ZBTB48: variants seen among roughly 807,000 people sequenced by gnomAD.
ZBTB48 encodes the protein zinc finger and BTB domain containing 48, also known as zinc finger and BTB domain-containing protein 48.
Under a neutral mutation model 64.5 loss-of-function variants are expected in ZBTB48, and 35 were observed. The observed-to-expected ratio is 0.54, with a 90% confidence interval of 0.41 to 0.72. ZBTB48 has a LOEUF of 0.72. Ranked by LOEUF, ZBTB48 falls within the 30% of genes least tolerant of loss-of-function variation. The probability of loss-of-function intolerance (pLI) is 0.00; values close to 1 mark genes in which losing one functional copy is unlikely to be tolerated. For synonymous variants in ZBTB48, 442 were observed against 356.7 expected, an observed-to-expected ratio of 1.24 and a Z score of -2.70; for missense variants, 828 against 895.3, an observed-to-expected ratio of 0.92 and a Z score of 0.96.
chr1:6,580,495 T>G lies in ZBTB48; in HGVS notation c.-69-46T>G. ...CAAGCCCTCGTGCTGATAAATATGA[T>G]TATTTGAGTAGAGGCCAACTTCCCG... is the stretch of plus-strand genomic sequence containing the variant. On this transcript the variant is annotated intron_variant, in intron 1 of 10. Transcript: ENST00000377674. This position sits in a 1 kb window ranked among gnomAD's most constrained non-coding sequence, Gnocchi z 5.2. 5 of 1,086,686 alleles carry G rather than the reference T, an allele frequency of 4.6e-6. No homozygotes were observed. Among genetic ancestry groups the G allele is most frequent in the South Asian group, 1.6e-5 (1 of 62,942 alleles). 67.3% of individuals were successfully genotyped at this position (1,086,686 alleles called of 1,614,324 possible). A position where few individuals can be genotyped will look rare whatever the true frequency, so the allele number is the denominator to read the frequency against.
Position 6,580,925 on chromosome 1 carries a change from G to C in ZBTB48, c.316G>C (p.Glu106Gln), listed in dbSNP as rs1640424303. The change falls in exon 2 of 11, where the codon GAG (glutamate) becomes CAG (glutamine). Residue 106 changes from glutamate to glutamine, a missense_variant. By Grantham distance (29) the Glu-to-Gln change is conservative. Coordinates refer to ENST00000377674, the MANE Select transcript of ZBTB48 (RefSeq NM_005341.4). This position sits in a 1 kb window ranked among gnomAD's most constrained non-coding sequence, Gnocchi z 5.2. Reference sequence around the variant, plus strand: ...GGCAGCCAGGGAGTTGCGAGTGCCAGAGGCCGTAGAGCTGTGCCAGAGCTT... The same window carrying C: ...GGCAGCCAGGGAGTTGCGAGTGCCACAGGCCGTAGAGCTGTGCCAGAGCTT... Reference protein sequence around the residue: ...LLAARELRVPEAVELCQSFKP... With the variant: ...LLAARELRVPQAVELCQSFKP... 1.2e-6 allele frequency: 2 copies of C among 1,614,058 alleles called. No individual in the cohort carries two copies. The highest frequency in any genetic ancestry group is 1.7e-6 in the Non-Finnish European group (2 of 1,180,036).
Position 6,589,143 on chromosome 1 carries a change from C to T in ZBTB48, c.1998C>T (p.Phe666=), listed in dbSNP as rs1328458036. ...AGAGACTGTGTGCAGAGGAGAGCTTCACCGGCCCAGGTGTCCTGGAGCCCT... is the reference window on the plus strand; with the variant it reads ...AGAGACTGTGTGCAGAGGAGAGCTTTACCGGCCCAGGTGTCCTGGAGCCCT... ...PGQRLCAEES[F]TGPGVLEPSL... Residue 666 remains phenylalanine (F), a synonymous_variant, in exon 11 of 11, where the codon TTC becomes TTT. Coordinates refer to ENST00000377674, the MANE Select transcript of ZBTB48 (RefSeq NM_005341.4). The T allele has an allele frequency of 6.3e-7, 1 of 1,586,910 alleles. No individual in the cohort carries two copies. Among genetic ancestry groups the T allele is most frequent in the Non-Finnish European group, 8.6e-7 (1 of 1,169,264 alleles).
At chr1:6,586,464 C>T (rs1245233689) in intron 4 of ZBTB48, 7 of 865,564 alleles carry the variant, frequency 8.1e-6, no homozygotes, top group Middle Eastern at 3.7e-4. Flanking sequence ...TGAGGCCACT[C>T]GGACCCTGCC....
rs1640591960 is a variant in ZBTB48, at chr1:6,584,545, A to T, written c.933-1374A>T. 6.6e-6 allele frequency among the ~76,000 whole-genome samples: 1 copy of T among 152,110 alleles called. No individual in the cohort carries two copies. Among genetic ancestry groups the T allele is most frequent in the African/African-American group, 2.4e-5 (1 of 41,414 alleles). On this transcript the variant is annotated intron_variant, in intron 3 of 10. Coordinates refer to ENST00000377674, the MANE Select transcript of ZBTB48 (RefSeq NM_005341.4). This position sits in a 1 kb window ranked among gnomAD's most constrained non-coding sequence, Gnocchi z 4.5. The stretch of plus-strand genomic sequence containing the variant: ...CACCTAGAATGGGAGCCAGGGGGAA[A>T]CCCGTTCGCTGTCCCTGTGCACCGT...
At chr1:6,587,064 A>G (rs1166607908) in intron 5 of ZBTB48, 141 bp from the exon 6 acceptor site, 2 of 991,288 alleles carry the variant, frequency 2.0e-6, no homozygotes, top group Non-Finnish European at 3.1e-6. Context: ...CCTTTGCACC[A>G]TCCTTCACAC....
intron 4 of ZBTB48, chr1:6,586,431 C>T (rs1265206419): frequency 1.6e-6 from 1 of 607,666 alleles, no homozygotes; most frequent in African/African-American, 1.8e-5. Context: ...CTGTCAGCAG[C>T]CACTAGGGCC....
rs1640634380 is a variant in ZBTB48 at position 6,585,713 on chromosome 1, A to G, written c.933-206A>G. 1.0e-5 allele frequency: 6 copies of G among 585,534 alleles called. No homozygotes were observed. In the East Asian group the frequency reaches 1.7e-4, roughly 17 times the overall value. The allele number at this position is 585,534 out of a possible 1,614,324, so 36.3% of individuals were successfully genotyped here. ...CTGGCCAGATCCATGGCAGCCTCTT[A>G]GGACCTGTGTGAGCTTCTTGCCACT... On this transcript the variant is annotated intron_variant, in intron 3 of 10. Coordinates refer to ENST00000377674, the MANE Select transcript of ZBTB48 (RefSeq NM_005341.4).
In ZBTB48 at chr1:6,582,234, G is replaced by A. The variant is rs1410789665; in HGVS notation, c.867G>A (p.Val289=). Residue 289 remains valine, a synonymous_variant, in exon 3 of 11, where the codon GTG becomes GTA. Coordinates refer to ENST00000377674, the MANE Select transcript of ZBTB48 (RefSeq NM_005341.4). ...EPAENRKGTA[V]PVECPTCHKK... ...CTGAGAACAGAAAAGGTACAGCGGT[G>A]CCGGTCGAATGCCCCACATGTCATA... The A allele has an allele frequency of 3.1e-6, 5 of 1,614,154 alleles. No homozygotes were observed. The highest frequency in any genetic ancestry group is 3.4e-6 in the Non-Finnish European group (4 of 1,180,012).
rs746363856 is a variant in ZBTB48, at chr1:6,582,183, C to T, written c.816C>T (p.Ser272=). Residue 272 remains serine (S), a synonymous_variant, in exon 3 of 11, where the codon AGC becomes AGT. Coordinates refer to ENST00000377674, the MANE Select transcript of ZBTB48 (RefSeq NM_005341.4). The part of the protein sequence containing the change: ...RKPCAAEPAL[S]AGSLAAEPAE... ...CCTGTGCAGCTGAGCCAGCCCTGAGCGCGGGCTCCCTAGCAGCTGAGCCTG... is the reference window on the plus strand; with the variant it reads ...CCTGTGCAGCTGAGCCAGCCCTGAGTGCGGGCTCCCTAGCAGCTGAGCCTG... The T allele has an allele frequency of 8.7e-6, 14 of 1,614,212 alleles. No homozygotes were observed. In the East Asian group the frequency reaches 8.9e-5, roughly 10 times the overall value.
rs1261523422 is a variant in ZBTB48 at position 6,588,161 on chromosome 1, A to G, written c.1481A>G (p.Gln494Arg). Residue 494 changes from glutamine (Q) to arginine (R), a missense_variant, in exon 8 of 11, where the codon CAG (glutamine) becomes CGG (arginine). Physicochemically the swap from Gln to Arg is conservative, Grantham distance 43. Transcript: ENST00000377674. ...ACACACACGGGTGAGAAGCCCTTCC[A>G]GTGCCACCTCTGTGGCAAGACCTTC... Reference protein sequence around the residue: ...LRTHTGEKPFQCHLCGKTFRT... With the variant: ...LRTHTGEKPFRCHLCGKTFRT... The G allele has an allele frequency of 6.2e-7, 1 of 1,614,162 alleles. No individual in the cohort carries two copies. Among genetic ancestry groups the G allele is most frequent in the Non-Finnish European group, 8.5e-7 (1 of 1,180,026 alleles).
Position 6,588,005 on chromosome 1 carries a change from C to G in ZBTB48, c.1380-55C>G, listed in dbSNP as rs1023036292. The G allele has an allele frequency of 1.9e-6, 3 of 1,606,206 alleles. No homozygotes were observed. The African/African-American group carries it at 4.0e-5, about 21-fold the overall frequency. On this transcript the variant is annotated intron_variant, in intron 7 of 10. Coordinates refer to ENST00000377674, the MANE Select transcript of ZBTB48 (RefSeq NM_005341.4). ...AGGCATGCTCCTAGCTGTAGCAGAG[C>G]AAGGGGGTCACTTCCCTTGGTGATG... is the stretch of plus-strand genomic sequence containing the variant.
chr1:6,587,958 C>G (rs993759186), intron 7 of ZBTB48, 102 bp from the exon 8 acceptor site: 1 of 1,504,054 alleles, frequency 6.6e-7, no homozygotes, highest in Non-Finnish European at 9.0e-7. Flanking sequence ...TTTCCTAGCA[C>G]TGCCCAAGCC....
rs189625620 is a variant in ZBTB48 at position 6,587,133 on chromosome 1, T to C, written c.1138-72T>C. 2.5e-5 allele frequency: 38 copies of C among 1,526,776 alleles called. No individual in the cohort carries two copies. The South Asian group carries it at 2.9e-4, about 12-fold the overall frequency. The allele number at this position is 1,526,776 out of a possible 1,614,324, so 94.6% of individuals were successfully genotyped here. On this transcript the variant is annotated intron_variant, in intron 5 of 10. Coordinates refer to ENST00000377674, the MANE Select transcript of ZBTB48 (RefSeq NM_005341.4). ...GGGCCTCCCTCTAGTTCCTGCCCTA[T>C]AGCCCAAGGGTGGGTGGCAGGGTTT...
chr1:6,585,835 T>G (rs553051855), intron 3 of ZBTB48, 84 bp from the exon 4 acceptor site: 18 of 1,346,594 alleles, frequency 1.3e-5, no homozygotes, highest in Admixed American at 6.7e-5. Context: ...TTGTTCCCCT[T>G]AGAAGGGACC....
Position 6,588,839 on chromosome 1 carries a change from C to G in ZBTB48, c.1765C>G (p.Arg589Gly), listed in dbSNP as rs764164145. The G allele has an allele frequency of 6.2e-7, 1 of 1,614,100 alleles. No homozygotes were observed. Among genetic ancestry groups the G allele is most frequent in the Non-Finnish European group, 8.5e-7 (1 of 1,180,034 alleles). The part of the protein sequence containing the change: ...ECTECGYKFT[R>G]QAHLRRHMEI... ...CACCGAGTGTGGCTACAAGTTTACC[C>G]GACAGGTAGGCCAGGGCCTGGGCCC... The change falls in exon 10 of 11, where the codon CGA (arginine) becomes GGA (glycine). Residue 589 changes from arginine to glycine, a missense_variant. Arg to Gly is a moderately radical substitution (Grantham distance 125, BLOSUM62 -2). Transcript: ENST00000377674.
chr1:6,582,087 T>C lies in ZBTB48; in HGVS notation c.720T>C (p.Asp240=). ...AAGTGGTGGTTCAAGTGGAGGATGATGGGGATGGCGATTACATGTCTGAGC... is the reference window on the plus strand; with the variant it reads ...AAGTGGTGGTTCAAGTGGAGGATGACGGGGATGGCGATTACATGTCTGAGC... The part of the protein sequence containing the change: ...EWEVVVQVED[D]GDGDYMSEPE... Residue 240 remains aspartate (D), a synonymous_variant, in exon 3 of 11, where the codon GAT becomes GAC. Coordinates refer to ENST00000377674, the MANE Select transcript of ZBTB48 (RefSeq NM_005341.4). The C allele has an allele frequency of 6.2e-7, 1 of 1,614,096 alleles. No homozygotes were observed. Among genetic ancestry groups the C allele is most frequent in the Non-Finnish European group, 8.5e-7 (1 of 1,179,996 alleles).
intron 9 of ZBTB48, 27 bp from the exon 10 acceptor site, chr1:6,588,729 T>A: frequency 6.2e-7 from 1 of 1,613,532 alleles, no homozygotes; most frequent in Non-Finnish European, 8.5e-7. Flanking sequence ...TCCTGCATGA[T>A]CCCCCACGGT....
In ZBTB48 at chr1:6,582,319, AT is replaced by A. The variant is rs747388062; in HGVS notation, c.932+24del. The A allele has an allele frequency of 1.9e-6, 3 of 1,600,612 alleles. No individual in the cohort carries two copies. Among genetic ancestry groups the A allele is most frequent in the Non-Finnish European group, 1.7e-6 (2 of 1,169,554 alleles). On this transcript the variant is annotated intron_variant, in intron 3 of 10. Transcript: ENST00000377674. ...CAACAGGTAAACGTTCTGTTTTTCTATTTTCTTTTCCTGTCTGCCATTCCCA... is the reference window on the plus strand; with the variant it reads ...CAACAGGTAAACGTTCTGTTTTTCTATTTCTTTTCCTGTCTGCCATTCCCA...
chr1:6,588,934 A>G lies in ZBTB48; in HGVS notation c.1789A>G (p.Met597Val), dbSNP rs758484131. ...FTRQAHLRRH[M>V]EIHDRVENYN... ...CCGCCAGGCCCACCTGCGGAGGCAC[A>G]TGGAGATCCACGACCGGGTAGAGAA... is the stretch of plus-strand genomic sequence containing the variant. Residue 597 changes from methionine to valine, a missense_variant, in exon 11 of 11, where the codon ATG becomes GTG. Coordinates refer to ENST00000377674, the MANE Select transcript of ZBTB48 (RefSeq NM_005341.4). 2.5e-6 allele frequency: 4 copies of G among 1,612,458 alleles called. No individual in the cohort carries two copies. Among genetic ancestry groups the G allele is most frequent in the African/African-American group, 1.3e-5 (1 of 75,038 alleles).
Sources: gnomAD v4.1 joint callset for allele counts (sites outside exome capture counted in the v4.1 genomes callset) on GRCh38, gnomAD v4.1.1 for gene constraint, Gnocchi (gnomAD v3.1) non-coding constraint, MANE v1.5 for transcripts, NCBI Gene and HGNC (gene_info 2026-07-23, HGNC 2026-07-21) for gene names.